Variants in DPP6 observed in about 807,000 individuals in gnomAD.
DPP6 encodes the protein dipeptidyl peptidase like 6.
DPP6 carries 69 observed loss-of-function variants against 122.6 expected under a neutral mutation model. That is an observed-to-expected ratio of 0.56 (90% confidence interval 0.46 to 0.69). The LOEUF is 0.69. Ranked by LOEUF, DPP6 falls within the 30% of genes least tolerant of loss-of-function variation. The pLI, the probability that DPP6 is intolerant of heterozygous loss-of-function variation, is 0.00. For synonymous variants in DPP6, 418 were observed against 433.1 expected (o/e 0.97, Z 0.43); for missense variants, 928 against 1,116.9 (o/e 0.83, Z 2.41).
At chr7:154,252,240 G>A (rs1030446913) in intron 1 of DPP6, among the ~76,000 whole-genome samples, 4 of 151,916 alleles carry the variant, frequency 2.6e-5, no homozygotes, top group Non-Finnish European at 5.9e-5. Flanking sequence ...GTGTGTGCGC[G>A]CATGCGCACG....
At chr7:154,324,629 C>G (rs1375541183) in intron 1 of DPP6, among the ~76,000 whole-genome samples, 1 of 151,998 alleles carries the variant, frequency 6.6e-6, no homozygotes, top group Non-Finnish European at 1.5e-5. Flanking sequence ...GGGGGTGTTT[C>G]CTGGCCTGAC....
At chr7:153,904,724 TAGAC>T (rs1391772063) in intron 1 of DPP6, among the ~76,000 whole-genome samples, 1 of 152,202 alleles carries the variant, frequency 6.6e-6, no homozygotes, top group African/African-American at 2.4e-5. Context: ...GTGGCAGAAA[TAGAC>T]AGTGATTACA....
upstream of DPP6, among the ~76,000 whole-genome samples, chr7:154,051,373 G>A (rs932622023): frequency 7.4e-5 from 11 of 148,014 alleles, no homozygotes; most frequent in Admixed American, 6.7e-4. Flanking sequence ...GGGACGAGAC[G>A]AGAGAGACGC....
At chr7:154,636,382 C>G (rs952599156) in intron 5 of DPP6, among the ~76,000 whole-genome samples, 6 of 152,144 alleles carry the variant, frequency 3.9e-5, no homozygotes, top group Non-Finnish European at 7.4e-5. Flanking sequence ...GCACCAGGCC[C>G]TTCCTTCCTT....
intron 3 of DPP6, among the ~76,000 whole-genome samples, chr7:154,518,776 A>C (rs2129932030): frequency 6.6e-6 from 1 of 152,318 alleles, no homozygotes; most frequent in Middle Eastern, 3.4e-3. Context: ...AGCAGGACCT[A>C]ATAGGTGAAC....
At chr7:154,673,132 T>G (rs1838673390) in intron 7 of DPP6, among the ~76,000 whole-genome samples, 1 of 152,178 alleles carries the variant, frequency 6.6e-6, no homozygotes, top group Admixed American at 6.5e-5. Flanking sequence ...CCTAACCTAT[T>G]AAGTGATGCC....
At chr7:154,221,807 C>A (rs1394407999) in intron 1 of DPP6, among the ~76,000 whole-genome samples, 1 of 152,096 alleles carries the variant, frequency 6.6e-6, no homozygotes, top group African/African-American at 2.4e-5. Flanking sequence ...AGCGGATGAA[C>A]AATGTTGGAA....
intron 1 of DPP6, among the ~76,000 whole-genome samples, chr7:153,909,423 A>G (rs902570215): frequency 3.4e-5 from 5 of 145,978 alleles, no homozygotes; most frequent in Admixed American, 7.0e-5. Flanking sequence ...ATGCTTTTAC[A>G]TTTATCTATC....
At chr7:154,301,984 A>ATT (rs1010495275) in intron 1 of DPP6, among the ~76,000 whole-genome samples, 8 of 151,604 alleles carry the variant, frequency 5.3e-5, no homozygotes, top group Admixed American at 5.3e-4. Flanking sequence ...CGCCCGGCTA[A>ATT]TTTTTTGCAT....
intron 1 of DPP6, among the ~76,000 whole-genome samples, chr7:154,260,951 A>G (rs902569818): frequency 6.6e-5 from 10 of 151,860 alleles, no homozygotes; most frequent in African/African-American, 2.4e-4. Flanking sequence ...GCTGGAGTGC[A>G]ATGGTGTGAT....
At chr7:153,839,424 G>A in the DPP6 span, among the ~76,000 whole-genome samples, 1 of 152,182 alleles carries the variant, frequency 6.6e-6, no homozygotes, top group Non-Finnish European at 1.5e-5. Context: ...ATGCAATGGT[G>A]AGGAATGCAG....
At chr7:154,567,480 T>C (rs765710592) in intron 5 of DPP6, among the ~76,000 whole-genome samples, 8 of 152,216 alleles carry the variant, frequency 5.3e-5, no homozygotes, top group Non-Finnish European at 1.2e-4. Flanking sequence ...GGCCAGGATC[T>C]TCCTTCTTCT....
chr7:154,405,322 C>T (rs1815989876), intron 1 of DPP6, among the ~76,000 whole-genome samples: 2 of 152,056 alleles, frequency 1.3e-5, no homozygotes, highest in African/African-American at 2.4e-5. Flanking sequence ...TAAAAGTTTC[C>T]CAATACTAGG....
intron 1 of DPP6, among the ~76,000 whole-genome samples, chr7:154,425,604 ATGTGTGTGTGTGTGTGGGT>A (rs1817822565): frequency 3.9e-5 from 5 of 128,236 alleles, no homozygotes; most frequent in African/African-American, 1.8e-4. Flanking sequence ...GGGGAAAAAA[ATGTGTGTGTGTGTGTGGGT>A]GTGTGTGTGT....
chr7:154,166,441 G>A (rs1797252630), intron 1 of DPP6, among the ~76,000 whole-genome samples: 1 of 152,098 alleles, frequency 6.6e-6, no homozygotes, highest in South Asian at 2.1e-4. Flanking sequence ...CATAAGAGGG[G>A]AGGATGAAAC....
the DPP6 span, among the ~76,000 whole-genome samples, chr7:153,832,154 C>G: frequency 6.6e-6 from 1 of 152,178 alleles, no homozygotes; most frequent in Admixed American, 6.5e-5. Context: ...CAGCCTCCAG[C>G]CTGGCTCTTT....
At chr7:154,578,065 C>A (rs933656804) in intron 5 of DPP6, among the ~76,000 whole-genome samples, 1 of 152,172 alleles carries the variant, frequency 6.6e-6, no homozygotes. Flanking sequence ...AGATGCCAGC[C>A]ATAGCATTAC....
intron 6 of DPP6, among the ~76,000 whole-genome samples, chr7:154,647,934 CTG>C (rs532839556): frequency 6.6e-6 from 1 of 151,948 alleles, no homozygotes; most frequent in Admixed American, 6.6e-5. Context: ...GTGTGCTGTG[CTG>C]TGTGTTCCTT....
chr7:153,877,217 T>A, the DPP6 span, among the ~76,000 whole-genome samples: 1 of 152,178 alleles, frequency 6.6e-6, no homozygotes, highest in Admixed American at 6.5e-5. Context: ...TTTTAAAAAA[T>A]TATTTGATTC....
Sources: allele counts gnomAD v4.1 joint callset (sites outside exome capture counted in the v4.1 genomes callset), GRCh38; gene constraint gnomAD v4.1.1; transcripts MANE v1.5; gene names NCBI Gene and HGNC (gene_info 2026-07-23, HGNC 2026-07-21).